The following NRG3 variants were observed in gnomAD, a reference collection of about 807,000 sequenced individuals.
The protein encoded by NRG3 is neuregulin 3, also known as pro-neuregulin-3, membrane-bound isoform.
In NRG3, 31 loss-of-function variants were observed where a neutral mutation model predicts 66.9. The ratio of observed to expected loss-of-function variants is 0.46; its 90% CI spans 0.35 to 0.63. The LOEUF is 0.63. Ranked by LOEUF, NRG3 falls within the 20% of genes least tolerant of loss-of-function variation. The pLI is 0.00. For missense variants in NRG3, 910 were observed against 878.9 expected (o/e 1.04, Z -0.45); for synonymous variants, 393 against 359.4 (o/e 1.09, Z -1.06).
chr10:82,412,708 A>G (rs1213438161), intron 2 of NRG3, among the ~76,000 whole-genome samples: 2 of 152,200 alleles, frequency 1.3e-5, no homozygotes, highest in African/African-American at 2.4e-5. Context: ...ACTGCTTTCA[A>G]AATTGGAGTC....
chr10:82,248,292 G>A (rs1387863561), intron 1 of NRG3, among the ~76,000 whole-genome samples: 8 of 152,094 alleles, frequency 5.3e-5, no homozygotes, highest in Admixed American at 3.3e-4. Context: ...TTATACCTTT[G>A]TGAGAGCTTC....
chr10:82,931,797 A>T (rs772204528), intron 4 of NRG3, among the ~76,000 whole-genome samples: 7 of 152,092 alleles, frequency 4.6e-5, no homozygotes, highest in Non-Finnish European at 8.8e-5. Context: ...AAGAGGGAGG[A>T]TGAATGATAT....
At chr10:81,892,039 G>A (rs1843056409) in intron 1 of NRG3, among the ~76,000 whole-genome samples, 1 of 152,138 alleles carries the variant, frequency 6.6e-6, no homozygotes, top group Admixed American at 6.6e-5. Context: ...ACATTTGTCA[G>A]TTTGGCATTT....
intron 2 of NRG3, among the ~76,000 whole-genome samples, chr10:82,594,340 A>G (rs2047149597): frequency 6.6e-6 from 1 of 152,206 alleles, no homozygotes; most frequent in Non-Finnish European, 1.5e-5. Flanking sequence ...GGAACAATAA[A>G]TAATATAAAG....
intron 2 of NRG3, among the ~76,000 whole-genome samples, chr10:82,548,308 C>A (rs546089855): frequency 1.5e-4 from 23 of 152,060 alleles, no homozygotes; most frequent in Non-Finnish European, 2.4e-4. Context: ...AGGGAACTTT[C>A]CTTGACTAAT....
At chr10:82,465,600 G>T (rs997139166) in intron 2 of NRG3, among the ~76,000 whole-genome samples, 1 of 152,150 alleles carries the variant, frequency 6.6e-6, no homozygotes, top group Non-Finnish European at 1.5e-5. Context: ...TCTTCTATCT[G>T]CAGCAGCAGT....
At chr10:82,265,576 T>G (rs1280447838) in intron 1 of NRG3, among the ~76,000 whole-genome samples, 1 of 152,190 alleles carries the variant, frequency 6.6e-6, no homozygotes, top group Non-Finnish European at 1.5e-5. Context: ...TAGATAACGA[T>G]GAGTTCTGAA....
intron 3 of NRG3, among the ~76,000 whole-genome samples, chr10:82,818,693 G>A (rs2061821476): frequency 1.3e-5 from 2 of 151,910 alleles, no homozygotes; most frequent in African/African-American, 4.8e-5. Flanking sequence ...TAAATTCCAG[G>A]GCTGCACAGA....
intron 3 of NRG3, among the ~76,000 whole-genome samples, chr10:82,797,866 G>C (rs1447816969): frequency 6.6e-6 from 1 of 152,056 alleles, no homozygotes; most frequent in Admixed American, 6.6e-5. Flanking sequence ...GTCTTCTTCA[G>C]GGCAACAGAT....
chr10:82,401,053 G>A (rs2136053003), intron 2 of NRG3, among the ~76,000 whole-genome samples: 1 of 152,220 alleles, frequency 6.6e-6, no homozygotes, highest in African/African-American at 2.4e-5. Flanking sequence ...CACACTCTCA[G>A]ACAGAGGCAA....
intron 2 of NRG3, among the ~76,000 whole-genome samples, chr10:82,405,545 C>T (rs373655253): frequency 6.6e-6 from 1 of 151,084 alleles, no homozygotes; most frequent in Admixed American, 6.6e-5. Context: ...CAACCTCCCC[C>T]TCCTGGGTTC....
intron 1 of NRG3, among the ~76,000 whole-genome samples, chr10:82,022,870 A>G (rs559532845): frequency 1.3e-5 from 2 of 151,496 alleles, no homozygotes; most frequent in Admixed American, 6.6e-5. Flanking sequence ...AACTTTATAC[A>G]TATATCTATT....
At chr10:82,498,186 A>C (rs550944646) in intron 2 of NRG3, among the ~76,000 whole-genome samples, 43 of 151,650 alleles carry the variant, frequency 2.8e-4, no homozygotes, top group Non-Finnish European at 5.4e-4. Context: ...CTCTTATTTT[A>C]TAGCTTATCT....
chr10:82,034,835 C>T (rs71483383), intron 1 of NRG3, among the ~76,000 whole-genome samples: 32,676 of 151,820 alleles, frequency 0.22, 3,606 homozygotes, highest in Middle Eastern at 0.27. Flanking sequence ...TCTGCTCTGA[C>T]TTGTTGAGAG....
At chr10:82,620,781 G>A (rs1012139013) in intron 2 of NRG3, among the ~76,000 whole-genome samples, 2 of 152,030 alleles carry the variant, frequency 1.3e-5, no homozygotes, top group African/African-American at 4.8e-5. Context: ...ACCCACCCCT[G>A]TCTGCCCAGA....
intron 2 of NRG3, among the ~76,000 whole-genome samples, chr10:82,415,004 A>G (rs2088431796): frequency 1.3e-5 from 2 of 152,200 alleles, no homozygotes; most frequent in South Asian, 4.1e-4. Flanking sequence ...CATAAATATT[A>G]ATCAACTCTA....
At chr10:82,033,459 C>T (rs2062660335) in intron 1 of NRG3, among the ~76,000 whole-genome samples, 1 of 152,118 alleles carries the variant, frequency 6.6e-6, no homozygotes, top group Non-Finnish European at 1.5e-5. Context: ...CTCAAAATAG[C>T]TTATAAATAA....
chr10:82,326,444 A>G (rs2081876784), intron 1 of NRG3, among the ~76,000 whole-genome samples: 1 of 151,662 alleles, frequency 6.6e-6, no homozygotes, highest in Non-Finnish European at 1.5e-5. Context: ...ATGGGTTTAT[A>G]ATTTTCATGA....
At chr10:82,382,309 G>GT (rs937154675) in intron 2 of NRG3, among the ~76,000 whole-genome samples, 11 of 151,710 alleles carry the variant, frequency 7.3e-5, no homozygotes, top group Admixed American at 5.3e-4. Flanking sequence ...TTATTCAAAT[G>GT]TTTTTATAAT....
Sources: gnomAD v4.1 joint callset for allele counts (sites outside exome capture counted in the v4.1 genomes callset) on GRCh38, gnomAD v4.1.1 for gene constraint, MANE v1.5 for transcripts, NCBI Gene and HGNC (gene_info 2026-07-23, HGNC 2026-07-21) for gene names.